Variants in CLSTN2 observed in about 807,000 individuals in gnomAD.
The protein encoded by CLSTN2 is calsyntenin-2.
In CLSTN2, 48 loss-of-function variants were observed where a neutral mutation model predicts 101.2. The ratio of observed to expected loss-of-function variants is 0.47; its 90% confidence interval spans 0.38 to 0.60. CLSTN2 has a LOEUF of 0.60. Ranked by LOEUF, CLSTN2 falls within the 20% of genes least tolerant of loss-of-function variation. CLSTN2 has a pLI of 0.00. For synonymous variants in CLSTN2, 481 were observed against 463.6 expected (o/e 1.04, Z -0.48); for missense variants, 1,160 against 1,238.2 (o/e 0.94, Z 0.95).
chr3:140,145,792 T>TC (rs2009772243), intron 1 of CLSTN2, among the ~76,000 whole-genome samples: 1 of 152,206 alleles, frequency 6.6e-6, no homozygotes, highest in South Asian at 2.1e-4. Flanking sequence ...CAGGAGGGTT[T>TC]CTTGGGTTCA....
intron 4 of CLSTN2, among the ~76,000 whole-genome samples, chr3:140,410,618 A>T (rs191808564): frequency 4.6e-5 from 7 of 152,194 alleles, no homozygotes; most frequent in African/African-American, 1.7e-4. Flanking sequence ...ATATGAAGGT[A>T]TGAAACTCAC....
intron 5 of CLSTN2, among the ~76,000 whole-genome samples, chr3:140,428,651 A>C (rs755110339): frequency 2.6e-5 from 4 of 152,186 alleles, no homozygotes; most frequent in African/African-American, 4.8e-5. Flanking sequence ...CAACACCACC[A>C]GTTGGAAGAG....
intron 8 of CLSTN2, among the ~76,000 whole-genome samples, chr3:140,480,179 G>A (rs1174461907): frequency 6.6e-6 from 1 of 151,100 alleles, no homozygotes; most frequent in Non-Finnish European, 1.5e-5. Context: ...CCCACCTATG[G>A]GTGAGAACAT....
chr3:140,053,133 C>G (rs1400068322), intron 1 of CLSTN2, among the ~76,000 whole-genome samples: 2 of 152,194 alleles, frequency 1.3e-5, no homozygotes, highest in African/African-American at 2.4e-5. Flanking sequence ...TGAACACAAG[C>G]ATCCTCCTGC....
intron 9 of CLSTN2, among the ~76,000 whole-genome samples, chr3:140,536,840 G>A (rs919701606): frequency 3.9e-5 from 6 of 152,180 alleles, no homozygotes; most frequent in African/African-American, 1.4e-4. Flanking sequence ...TGGAATGTAC[G>A]TGAACCAGAA....
chr3:140,380,832 T>C (rs1010730211), intron 2 of CLSTN2, among the ~76,000 whole-genome samples: 3 of 152,198 alleles, frequency 2.0e-5, no homozygotes, highest in Non-Finnish European at 4.4e-5. Context: ...CCTGTCTTCT[T>C]CTTCCCCTCT....
intron 8 of CLSTN2, among the ~76,000 whole-genome samples, chr3:140,493,347 G>T (rs1330470950): frequency 6.6e-6 from 1 of 152,328 alleles, no homozygotes; most frequent in Admixed American, 6.5e-5. Context: ...TGTCTTTAAA[G>T]TGTTTTTAAT....
At chr3:140,518,819 T>G (rs1011809763) in intron 8 of CLSTN2, among the ~76,000 whole-genome samples, 3 of 152,214 alleles carry the variant, frequency 2.0e-5, no homozygotes, top group Admixed American at 1.3e-4. Flanking sequence ...TGCAAGTTAG[T>G]CCTGCCTCCT....
chr3:140,511,867 G>C (rs1245248669), intron 8 of CLSTN2, among the ~76,000 whole-genome samples: 3 of 151,892 alleles, frequency 2.0e-5, no homozygotes, highest in East Asian at 3.9e-4. Flanking sequence ...TTGTGGTTTT[G>C]ATTTGCATTT....
intron 8 of CLSTN2, among the ~76,000 whole-genome samples, chr3:140,531,975 G>A (rs1303740205): frequency 2.6e-5 from 4 of 152,124 alleles, no homozygotes; most frequent in African/African-American, 7.2e-5. Context: ...GGAGTCTTGG[G>A]TTTAAAAGGT....
chr3:140,247,692 CAG>C (rs2086528999), intron 2 of CLSTN2, among the ~76,000 whole-genome samples: 1 of 152,132 alleles, frequency 6.6e-6, no homozygotes, highest in East Asian at 1.9e-4. Context: ...GGCCATCTAA[CAG>C]AGTGTGAGGG....
intron 2 of CLSTN2, among the ~76,000 whole-genome samples, chr3:140,327,308 C>T (rs903282213): frequency 7.2e-5 from 11 of 152,140 alleles, no homozygotes; most frequent in African/African-American, 2.4e-4. Flanking sequence ...TAGTCATTAC[C>T]CTGTACTCCA....
chr3:140,023,733 C>T (rs968334528), intron 1 of CLSTN2, among the ~76,000 whole-genome samples: 2 of 152,194 alleles, frequency 1.3e-5, no homozygotes, highest in Admixed American at 6.5e-5. Flanking sequence ...CGAGCAGACT[C>T]CTTGTTTACC....
chr3:140,038,021 C>A (rs2007692430), intron 1 of CLSTN2, among the ~76,000 whole-genome samples: 1 of 152,166 alleles, frequency 6.6e-6, no homozygotes, highest in African/African-American at 2.4e-5. Context: ...GTGCAAGTAT[C>A]TCTATAACAG....
At chr3:140,086,416 A>G (rs1478892118) in intron 1 of CLSTN2, among the ~76,000 whole-genome samples, 1 of 152,216 alleles carries the variant, frequency 6.6e-6, no homozygotes, top group Admixed American at 6.5e-5. Context: ...GTGACTCAAT[A>G]TCTTCATATG....
intron 1 of CLSTN2, among the ~76,000 whole-genome samples, chr3:140,137,701 C>T (rs2009635977): frequency 1.3e-5 from 2 of 152,152 alleles, no homozygotes; most frequent in South Asian, 4.1e-4. Flanking sequence ...TTACATAATG[C>T]TTTGCCGTTT....
At chr3:140,513,868 T>C (rs1399621706) in intron 8 of CLSTN2, among the ~76,000 whole-genome samples, 1 of 151,836 alleles carries the variant, frequency 6.6e-6, no homozygotes, top group Non-Finnish European at 1.5e-5. Context: ...TCTTGGGATC[T>C]AGTGTATGTG....
intron 1 of CLSTN2, among the ~76,000 whole-genome samples, chr3:139,950,146 G>A (rs1379078847): frequency 1.3e-5 from 2 of 152,238 alleles, no homozygotes; most frequent in African/African-American, 4.8e-5. Flanking sequence ...GAGTCTCTCT[G>A]AAGACAGAAA....
intron 2 of CLSTN2, among the ~76,000 whole-genome samples, chr3:140,347,469 C>T (rs1411291290): frequency 6.6e-6 from 1 of 152,222 alleles, no homozygotes. Flanking sequence ...ATTAACTCAT[C>T]ATGATTCTGC....
Sources: gnomAD v4.1 joint callset for allele counts (sites outside exome capture counted in the v4.1 genomes callset) on GRCh38, gnomAD v4.1.1 for gene constraint, MANE v1.5 for transcripts, NCBI Gene and HGNC (gene_info 2026-07-23, HGNC 2026-07-21) for gene names.